The following BEND4 variants were observed in gnomAD, a reference collection of about 807,000 sequenced individuals.
The protein encoded by BEND4 is BEN domain-containing protein 4.
BEND4 carries 27 observed loss-of-function variants against 54.7 expected under a neutral mutation model. The ratio of observed to expected loss-of-function variants is 0.49; its 90% CI spans 0.36 to 0.68. BEND4 has a LOEUF of 0.68. BEND4 is among the 30% of genes least tolerant of loss of function. BEND4 has a pLI of 0.00. For synonymous variants in BEND4, 327 were observed against 299.5 expected (o/e 1.09, Z -0.95); for missense variants, 702 against 697.2 (o/e 1.01, Z -0.08).
chr4:42,135,061 T>C (rs1720650258), intron 3 of BEND4, among the ~76,000 whole-genome samples: 2 of 152,096 alleles, frequency 1.3e-5, no homozygotes, highest in Admixed American at 1.3e-4. Context: ...TGGGGCTGTT[T>C]GGGGGAGAGA....
chr4:42,113,444 G>A lies in BEND4; in HGVS notation c.*4074C>T, dbSNP rs1349741976. On this transcript the variant is annotated 3_prime_UTR_variant, in exon 6 of 6. Coordinates refer to ENST00000502486, the MANE Select transcript of BEND4 (RefSeq NM_207406.4). Reference sequence around the variant, plus strand: ...ATGTTTGCTTTTCTGAACATATAGTGCACGTTTCATCTTTACCTGATCTCC... The same window carrying A: ...ATGTTTGCTTTTCTGAACATATAGTACACGTTTCATCTTTACCTGATCTCC... 1 of 152,198 alleles carries A rather than the reference G, an allele frequency of 6.6e-6. No homozygotes were observed. Among genetic ancestry groups the A allele is most frequent in the Non-Finnish European group, 1.5e-5 (1 of 68,040 alleles). The allele number at this position is 152,198 out of a possible 1,614,324, so 9.4% of individuals were successfully genotyped here.
Position 42,115,538 on chromosome 4 carries a change from G to C in BEND4, c.*1980C>G, listed in dbSNP as rs1719773981. The C allele has an allele frequency of 1.3e-5, 2 of 152,238 alleles. No individual in the cohort carries two copies. The allele number at this position is 152,238 out of a possible 1,614,324, so 9.4% of individuals were successfully genotyped here. A position where few individuals can be genotyped will look rare whatever the true frequency, so the allele number is the denominator to read the frequency against. On this transcript the variant is annotated 3_prime_UTR_variant, in exon 6 of 6. Coordinates refer to ENST00000502486, the MANE Select transcript of BEND4 (RefSeq NM_207406.4). ...CAAATATTGTTGCTTTAGAAAAACAGAACGATGTATTCAGCAGTAAGGACA... is the reference window on the plus strand; with the variant it reads ...CAAATATTGTTGCTTTAGAAAAACACAACGATGTATTCAGCAGTAAGGACA...
chr4:42,127,920 T>C (rs1358450561), intron 3 of BEND4, among the ~76,000 whole-genome samples: 1 of 152,018 alleles, frequency 6.6e-6, no homozygotes, highest in East Asian at 1.9e-4. Flanking sequence ...TCCCAAAATT[T>C]GAGAGGCAAA....
chr4:42,129,945 TA>T (rs1399127258), intron 3 of BEND4, among the ~76,000 whole-genome samples: 1 of 152,134 alleles, frequency 6.6e-6, no homozygotes, highest in African/African-American at 2.4e-5. Context: ...AAGAAACTAT[TA>T]TCAGAGTCAA....
At chr4:42,135,195 G>A (rs1014924385) in intron 3 of BEND4, among the ~76,000 whole-genome samples, 8 of 152,164 alleles carry the variant, frequency 5.3e-5, no homozygotes, top group African/African-American at 1.9e-4. Context: ...CCACTGATGG[G>A]TGTGTAAGAG....
Position 42,143,810 on chromosome 4 carries a change from C to CTGTGGACAT in BEND4, c.671_672insATGTCCACA (p.Gln224_Thr225insCysProGln). 1 of 1,600,084 alleles carries CTGTGGACAT rather than the reference C, an allele frequency of 6.2e-7. No homozygotes were observed. The highest frequency in any genetic ancestry group is 8.5e-7 in the Non-Finnish European group (1 of 1,173,214). On this transcript the variant is annotated inframe_insertion, in exon 3 of 6. Transcript: ENST00000502486. Reference sequence around the variant, plus strand: ...TCTCTATGTCTACATTGTCTGAGGTCTGACTGTGGACCCCTTTCCCAATGT... The same window carrying CTGTGGACAT: ...TCTCTATGTCTACATTGTCTGAGGTCTGTGGACATTGACTGTGGACCCCTTTCCCAATGT...
intron 3 of BEND4, among the ~76,000 whole-genome samples, chr4:42,133,208 T>G (rs1038549867): frequency 6.6e-6 from 1 of 152,222 alleles, no homozygotes; most frequent in Non-Finnish European, 1.5e-5. Context: ...TGTGCCACCT[T>G]GGCAGCTGTA....
chr4:42,142,464 A>AAT (rs928403307), intron 3 of BEND4, among the ~76,000 whole-genome samples: 55 of 121,220 alleles, frequency 4.5e-4, no homozygotes, highest in East Asian at 1.4e-3. Flanking sequence ...TACTAAAAAA[A>AAT]ATATATATAT....
chr4:42,151,713 GC>G lies in BEND4; in HGVS notation c.430del (p.Ala144ArgfsTer23), dbSNP rs756647396. On this transcript the variant is annotated frameshift_variant, in exon 2 of 6. Transcript: ENST00000502486. LOFTEE classifies it high-confidence loss of function. ...AVVRYGPGAA[A>X]AAGTGGTGSD... ...ACCCGTGCCGCCGGTGCCGGCGGCC[GC>G]CGCCGCGCCTGGGCCATACCTGACG... 1 of 1,502,910 alleles carries G rather than the reference GC, an allele frequency of 6.7e-7. No homozygotes were observed. The allele number at this position is 1,502,910 out of a possible 1,614,324, so 93.1% of individuals were successfully genotyped here.
At chr4:42,145,197 G>C (rs963673045) in intron 2 of BEND4, among the ~76,000 whole-genome samples, 2 of 152,132 alleles carry the variant, frequency 1.3e-5, no homozygotes, top group Admixed American at 6.5e-5. Flanking sequence ...GCTGCTATGG[G>C]AAAAATAAGC....
chr4:42,140,627 A>G (rs1384064830), intron 3 of BEND4, among the ~76,000 whole-genome samples: 1 of 152,082 alleles, frequency 6.6e-6, no homozygotes, highest in Non-Finnish European at 1.5e-5. Context: ...CACTGAGTTA[A>G]CTCCTACCAC....
At position 42,113,831 on chromosome 4, in the gene BEND4, G is replaced by A. The variant is rs1316804195; in HGVS notation, c.*3687C>T. ...CGTGAAGTAGCTACAAATATGTCTC[G>A]AATCCCCTACAAAAGGAGATAACAA... On this transcript the variant is annotated 3_prime_UTR_variant, in exon 6 of 6. Transcript: ENST00000502486. 1 of 152,018 alleles carries A rather than the reference G, an allele frequency of 6.6e-6. No individual in the cohort carries two copies. The highest frequency in any genetic ancestry group is 2.4e-5 in the African/African-American group (1 of 41,394). 9.4% of individuals were successfully genotyped at this position (152,018 alleles called of 1,614,324 possible). A position where few individuals can be genotyped will look rare whatever the true frequency, so the allele number is the denominator to read the frequency against.
chr4:42,123,767 A>G (rs975451590), intron 4 of BEND4, among the ~76,000 whole-genome samples: 52 of 151,816 alleles, frequency 3.4e-4, no homozygotes, highest in African/African-American at 1.2e-3. Context: ...TGCAATAGTC[A>G]GGTGAGAGAG....
chr4:42,130,897 A>G (rs1351035478), intron 3 of BEND4, among the ~76,000 whole-genome samples: 1 of 66,990 alleles, frequency 1.5e-5, no homozygotes, highest in Non-Finnish European at 2.6e-5. Flanking sequence ...AAAGGAAACG[A>G]GAGATCATGG....
intron 3 of BEND4, among the ~76,000 whole-genome samples, chr4:42,127,695 T>C (rs1720340202): frequency 1.3e-5 from 2 of 152,228 alleles, no homozygotes; most frequent in Admixed American, 6.5e-5. Flanking sequence ...CAGCATTCTG[T>C]TCTTCACAGT....
intron 2 of BEND4, among the ~76,000 whole-genome samples, chr4:42,147,249 A>C (rs1461446457): frequency 6.6e-6 from 1 of 152,170 alleles, no homozygotes; most frequent in Admixed American, 6.5e-5. Context: ...ATTGTGATGA[A>C]AAATATTACC....
intron 4 of BEND4, among the ~76,000 whole-genome samples, chr4:42,124,568 C>T (rs1720201995): frequency 6.6e-6 from 1 of 152,022 alleles, no homozygotes; most frequent in African/African-American, 2.4e-5. Context: ...CTGGGGTGAC[C>T]AGAGTGGAAA....
chr4:42,151,504 T>G (rs1721280635), intron 2 of BEND4, 153 bp downstream of exon 2: 2 of 770,782 alleles, frequency 2.6e-6, no homozygotes, highest in South Asian at 6.8e-5. Flanking sequence ...CCTCTCGAAG[T>G]TTCCGGGTGC....
At chr4:42,143,328 T>TATACAC (rs1230032521) in intron 3 of BEND4, 100 bp downstream of exon 3, 3 of 1,094,702 alleles carry the variant, frequency 2.7e-6, no homozygotes, top group Non-Finnish European at 2.7e-6. Flanking sequence ...CACACATACA[T>TATACAC]ATACACATAC....
Sources: allele counts gnomAD v4.1 joint callset (sites outside exome capture counted in the v4.1 genomes callset), GRCh38; gene constraint gnomAD v4.1.1; transcripts MANE v1.5; gene names NCBI Gene and HGNC (gene_info 2026-07-23, HGNC 2026-07-21).